HDAC9: variants seen among roughly 807,000 people sequenced by gnomAD.
HDAC9 encodes histone deacetylase 9, also known as MEF-2 interacting transcription repressor (MITR) protein.
HDAC9 carries 41 observed loss-of-function variants against 139.4 expected under a neutral mutation model. That is an observed-to-expected ratio of 0.29 (90% CI 0.23 to 0.38). The LOEUF (loss-of-function observed/expected upper bound fraction) is 0.38. Ranked by LOEUF, HDAC9 falls within the 10% of genes least tolerant of loss-of-function variation. The pLI, the probability that HDAC9 is intolerant of heterozygous loss-of-function variation, is 1.00. For synonymous variants in HDAC9, 517 were observed against 476.2 expected (o/e 1.09, Z -1.12); for missense variants, 1,147 against 1,297.0 (o/e 0.88, Z 1.78).
At chr7:18,349,502 T>C (rs1782689854) in intron 1 of HDAC9, among the ~76,000 whole-genome samples, 1 of 152,158 alleles carries the variant, frequency 6.6e-6, no homozygotes, top group South Asian at 2.1e-4. Context: ...TAGCTTAATG[T>C]TATCTGCTTT....
intron 12 of HDAC9, among the ~76,000 whole-genome samples, chr7:18,672,392 G>A (rs1185278578): frequency 6.6e-6 from 1 of 151,952 alleles, no homozygotes; most frequent in Non-Finnish European, 1.5e-5. Flanking sequence ...CCATTTTCTA[G>A]TTGGCTTGCT....
At chr7:18,118,499 A>G (rs1343090764) in intron 1 of HDAC9, among the ~76,000 whole-genome samples, 6 of 152,188 alleles carry the variant, frequency 3.9e-5, no homozygotes, top group African/African-American at 1.4e-4. Flanking sequence ...GGGGAAAATA[A>G]TTTTAATATA....
At chr7:18,862,347 G>T (rs1180413507) in intron 21 of HDAC9, among the ~76,000 whole-genome samples, 5 of 152,188 alleles carry the variant, frequency 3.3e-5, no homozygotes, top group Admixed American at 6.5e-5. Context: ...TAATAGAGCC[G>T]CATATGACTT....
At chr7:18,440,299 C>A (rs1247931797) in intron 1 of HDAC9, among the ~76,000 whole-genome samples, 1 of 151,906 alleles carries the variant, frequency 6.6e-6, no homozygotes, top group African/African-American at 2.4e-5. Flanking sequence ...ATTCTCCTGC[C>A]TCAGCCTCCC....
intron 1 of HDAC9, among the ~76,000 whole-genome samples, chr7:18,113,347 T>C (rs1783755909): frequency 6.6e-6 from 1 of 152,228 alleles, no homozygotes; most frequent in Admixed American, 6.5e-5. Flanking sequence ...TTTTCTAGGC[T>C]GAAATATTTA....
At chr7:18,235,345 G>A (rs1793745926) in intron 2 of HDAC9, among the ~76,000 whole-genome samples, 2 of 151,792 alleles carry the variant, frequency 1.3e-5, no homozygotes, top group South Asian at 2.1e-4. Flanking sequence ...TGGTATTCTG[G>A]TAAATGTTTT....
At chr7:18,756,707 A>G (rs751764538) in intron 14 of HDAC9, among the ~76,000 whole-genome samples, 38 of 152,224 alleles carry the variant, frequency 2.5e-4, no homozygotes, top group Non-Finnish European at 5.0e-4. Context: ...GCCCATAGAG[A>G]TATCTCATGG....
intron 2 of HDAC9, among the ~76,000 whole-genome samples, chr7:18,196,171 A>G (rs191346109): frequency 6.6e-6 from 1 of 152,280 alleles, no homozygotes; most frequent in East Asian, 1.9e-4. Context: ...TACAGATTCA[A>G]AGCTTTTCAG....
chr7:18,391,531 T>G (rs1786488000), intron 1 of HDAC9, among the ~76,000 whole-genome samples: 1 of 152,206 alleles, frequency 6.6e-6, no homozygotes, highest in South Asian at 2.1e-4. Flanking sequence ...CATTAAACCT[T>G]GCATAGCCTT....
intron 1 of HDAC9, among the ~76,000 whole-genome samples, chr7:18,297,467 G>A (rs1045494745): frequency 1.3e-5 from 2 of 152,014 alleles, no homozygotes; most frequent in East Asian, 1.9e-4. Context: ...TTATTTTTCT[G>A]ACTGCTCTCC....
At chr7:18,331,636 T>A (rs117261049) in intron 1 of HDAC9, among the ~76,000 whole-genome samples, 4,937 of 149,414 alleles carry the variant, frequency 0.033, 130 homozygotes, top group Non-Finnish European at 0.043. Flanking sequence ...AAAAAAATTT[T>A]AAAAAAAGAA....
intron 16 of HDAC9, among the ~76,000 whole-genome samples, chr7:18,788,210 C>T (rs1791986048): frequency 6.6e-6 from 1 of 152,118 alleles, no homozygotes; most frequent in Non-Finnish European, 1.5e-5. Context: ...CTTTGGCTCA[C>T]ATTGGTAATG....
intron 1 of HDAC9, among the ~76,000 whole-genome samples, chr7:18,342,183 T>C (rs1054948398): frequency 1.6e-4 from 24 of 151,844 alleles, no homozygotes; most frequent in African/African-American, 5.8e-4. Context: ...ATTCTCTGTG[T>C]TGTTTGGTGC....
At chr7:18,335,167 CA>C (rs890354668) in intron 1 of HDAC9, among the ~76,000 whole-genome samples, 161 of 151,484 alleles carry the variant, frequency 1.1e-3, no homozygotes, top group African/African-American at 3.7e-3. Context: ...CACCATCTTT[CA>C]GAAGATTTTC....
chr7:18,931,887 A>G (rs534069423), intron 22 of HDAC9, among the ~76,000 whole-genome samples: 2 of 152,270 alleles, frequency 1.3e-5, no homozygotes, highest in Admixed American at 1.3e-4. Flanking sequence ...TTTTCAGGGC[A>G]GTCATTGATT....
chr7:18,328,554 A>G (rs1226818314), intron 1 of HDAC9, among the ~76,000 whole-genome samples: 1 of 151,952 alleles, frequency 6.6e-6, no homozygotes, highest in Non-Finnish European at 1.5e-5. Context: ...TATAATTAGA[A>G]GATCATGTAA....
chr7:18,522,474 A>G (rs1006492474), intron 2 of HDAC9, among the ~76,000 whole-genome samples: 5 of 152,118 alleles, frequency 3.3e-5, no homozygotes, highest in Non-Finnish European at 7.4e-5. Flanking sequence ...CTGAGGATTA[A>G]TCATGAATTC....
At chr7:18,264,754 ACTAT>A (rs750187439) in intron 2 of HDAC9, among the ~76,000 whole-genome samples, 9 of 152,238 alleles carry the variant, frequency 5.9e-5, no homozygotes, top group Non-Finnish European at 1.0e-4. Context: ...AGTTTATATT[ACTAT>A]CTATCTTATT....
intron 1 of HDAC9, among the ~76,000 whole-genome samples, chr7:18,422,042 T>G (rs958193016): frequency 6.6e-6 from 1 of 152,228 alleles, no homozygotes; most frequent in Non-Finnish European, 1.5e-5. Context: ...TGTGCCTAAA[T>G]GTAGATCCTT....
Sources: gnomAD v4.1 joint callset for allele counts (sites outside exome capture counted in the v4.1 genomes callset) on GRCh38, gnomAD v4.1.1 for gene constraint, MANE v1.5 for transcripts, NCBI Gene and HGNC (gene_info 2026-07-23, HGNC 2026-07-21) for gene names.